Variants in ACADSB observed in about 807,000 individuals in gnomAD.
ACADSB encodes the protein acyl-CoA dehydrogenase short/branched chain.
In ACADSB, 40 loss-of-function variants were observed where a neutral mutation model predicts 54.1. The ratio of observed to expected loss-of-function variants is 0.74; its 90% CI spans 0.57 to 0.96. ACADSB has a LOEUF of 0.96. Among genes scored for constraint, ACADSB ranks in the 40% least tolerant of loss-of-function variants. ACADSB has a pLI of 0.00. For synonymous variants in ACADSB, 182 were observed against 182.8 expected, an observed-to-expected ratio of 1.00 and a Z score of 0.03; for missense variants, 530 against 510.4, an observed-to-expected ratio of 1.04 and a Z score of -0.37.
chr10:123,044,369 A>G, intron 6 of ACADSB, 24 bp from the exon 7 acceptor site: 1 of 1,543,102 alleles, frequency 6.5e-7, no homozygotes, highest in Non-Finnish European at 9.0e-7. Flanking sequence ...AAACTGAGAA[A>G]TAAGTGCACA....
At chr10:123,029,898 TC>T (rs1850304163) in intron 1 of ACADSB, among the ~76,000 whole-genome samples, 1 of 152,186 alleles carries the variant, frequency 6.6e-6, no homozygotes, top group South Asian at 2.1e-4. Flanking sequence ...TTCTCATAGT[TC>T]TGGAGAATGG....
intron 1 of ACADSB, among the ~76,000 whole-genome samples, chr10:123,024,415 G>A (rs1850222106): frequency 6.6e-6 from 1 of 152,254 alleles, no homozygotes; most frequent in African/African-American, 2.4e-5. Context: ...GGCAACACTG[G>A]AGAGTGGCCC....
chr10:123,015,210 T>A (rs1179673696), intron 1 of ACADSB, among the ~76,000 whole-genome samples: 1 of 152,280 alleles, frequency 6.6e-6, no homozygotes, highest in Non-Finnish European at 1.5e-5. Flanking sequence ...CATGCAAATA[T>A]ATCTTTGTCT....
intron 2 of ACADSB, among the ~76,000 whole-genome samples, chr10:123,035,775 G>A (rs1222331709): frequency 6.6e-6 from 1 of 152,180 alleles, no homozygotes; most frequent in Non-Finnish European, 1.5e-5. Context: ...AACTCCTGGA[G>A]GCCTCTGTAT....
chr10:123,037,729 TA>T lies in ACADSB; in HGVS notation c.203-16del. ...TGTCACTTTAACATAGACTTATCAG[TA>T]ATTCTTTTTCCTACAGTTAAAAAAT... On this transcript the variant is annotated splice_polypyrimidine_tract_variant and intron_variant, in intron 2 of 10. Coordinates refer to ENST00000358776, the MANE Select transcript of ACADSB (RefSeq NM_001609.4). 1 of 1,533,302 alleles carries T rather than the reference TA, an allele frequency of 6.5e-7. No individual in the cohort carries two copies. The highest frequency in any genetic ancestry group is 9.0e-7 in the Non-Finnish European group (1 of 1,106,826). 95.0% of individuals were successfully genotyped at this position (1,533,302 alleles called of 1,614,324 possible).
At chr10:123,026,823 ATTTGT>A (rs1160589438) in intron 1 of ACADSB, among the ~76,000 whole-genome samples, 1 of 152,102 alleles carries the variant, frequency 6.6e-6, no homozygotes, top group African/African-American at 2.4e-5. Context: ...ATTTGCTTAT[ATTTGT>A]TTTAAGAGAA....
intron 8 of ACADSB, among the ~76,000 whole-genome samples, chr10:123,050,458 A>C (rs1440612890): frequency 5.3e-5 from 8 of 152,194 alleles, no homozygotes; most frequent in Non-Finnish European, 1.2e-4. Context: ...TATTTGCAGG[A>C]AATTGTTTAT....
chr10:123,020,374 A>G (rs1850168585), intron 1 of ACADSB, among the ~76,000 whole-genome samples: 1 of 152,190 alleles, frequency 6.6e-6, no homozygotes, highest in Non-Finnish European at 1.5e-5. Flanking sequence ...CTTTTCCTCC[A>G]CTTGTTGAAT....
At chr10:123,010,040 T>A (rs965996591) in intron 1 of ACADSB, among the ~76,000 whole-genome samples, 21 of 145,848 alleles carry the variant, frequency 1.4e-4, no homozygotes, top group Admixed American at 2.0e-4. Flanking sequence ...TATTTGACTG[T>A]TTTACAGGCC....
At chr10:123,050,628 G>T (rs1173227008) in intron 8 of ACADSB, among the ~76,000 whole-genome samples, 1 of 151,960 alleles carries the variant, frequency 6.6e-6, no homozygotes, top group African/African-American at 2.4e-5. Context: ...TTTAATGCCT[G>T]GAAGCCATAT....
chr10:123,016,981 C>T (rs1372883286), intron 1 of ACADSB, among the ~76,000 whole-genome samples: 1 of 152,098 alleles, frequency 6.6e-6, no homozygotes, highest in African/African-American at 2.4e-5. Context: ...TCCCTTCACT[C>T]AATTTGGTAA....
At position 123,009,023 on chromosome 10, in the gene ACADSB, G is replaced by C; in HGVS notation, c.-7G>C. ...AGAGGCGCAGAGCGGAGAGGCCTGC[G>C]GCGAGGATGGAGGGCCTGGCAGTGC... is the stretch of plus-strand genomic sequence containing the variant. On this transcript the variant is annotated 5_prime_UTR_variant, in exon 1 of 11. Coordinates refer to ENST00000358776, the MANE Select transcript of ACADSB (RefSeq NM_001609.4). The C allele has an allele frequency of 1.3e-6, 2 of 1,547,936 alleles. No homozygotes were observed. Among genetic ancestry groups the C allele is most frequent in the Non-Finnish European group, 8.7e-7 (1 of 1,146,856 alleles).
At chr10:123,037,197 C>T (rs925044430) in intron 2 of ACADSB, among the ~76,000 whole-genome samples, 1 of 152,186 alleles carries the variant, frequency 6.6e-6, no homozygotes, top group Non-Finnish European at 1.5e-5. Flanking sequence ...AACAAAGACT[C>T]ACCTGCCCCA....
intron 7 of ACADSB, 55 bp downstream of exon 7, chr10:123,044,540 A>C: frequency 7.1e-7 from 1 of 1,402,496 alleles, no homozygotes; most frequent in Non-Finnish European, 1.0e-6. Flanking sequence ...GTGAAAAGAA[A>C]AAAATGCAAT....
intron 1 of ACADSB, among the ~76,000 whole-genome samples, chr10:123,020,075 T>C (rs1044594714): frequency 1.3e-5 from 2 of 152,064 alleles, no homozygotes; most frequent in African/African-American, 2.4e-5. Context: ...AGATTAACAG[T>C]AGTAAAAGGT....
chr10:123,021,981 C>G (rs1346830989), intron 1 of ACADSB, among the ~76,000 whole-genome samples: 2 of 152,060 alleles, frequency 1.3e-5, no homozygotes, highest in African/African-American at 4.8e-5. Flanking sequence ...AGAAAAATAA[C>G]TCAGTCAACT....
chr10:123,021,722 T>C (rs534910329), intron 1 of ACADSB, among the ~76,000 whole-genome samples: 1 of 152,362 alleles, frequency 6.6e-6, no homozygotes, highest in East Asian at 1.9e-4. Context: ...GGTGGAGCTC[T>C]TCACGCAACA....
Position 123,051,199 on chromosome 10 carries a change from A to T in ACADSB, c.1128+13A>T. 7.2e-7 allele frequency: 1 copy of T among 1,393,552 alleles called. No individual in the cohort carries two copies. Among genetic ancestry groups the T allele is most frequent in the Non-Finnish European group, 9.5e-7 (1 of 1,056,876 alleles). The allele number at this position is 1,393,552 out of a possible 1,614,324, so 86.3% of individuals were successfully genotyped here. A position where few individuals can be genotyped will look rare whatever the true frequency, so the allele number is the denominator to read the frequency against. On this transcript the variant is annotated intron_variant, in intron 9 of 10. Coordinates refer to ENST00000358776, the MANE Select transcript of ACADSB (RefSeq NM_001609.4). ...CTATGCATCAGAGGTAAAAAAAAAAAAAAAAAAAAAAAAGGAAAAAGTAAT... is the reference window on the plus strand; with the variant it reads ...CTATGCATCAGAGGTAAAAAAAAAATAAAAAAAAAAAAAGGAAAAAGTAAT...
At position 123,047,303 on chromosome 10, in the gene ACADSB, G is replaced by A; in HGVS notation, c.990+5G>A. On this transcript the variant is annotated splice_donor_5th_base_variant and intron_variant, in intron 8 of 10. Coordinates refer to ENST00000358776, the MANE Select transcript of ACADSB (RefSeq NM_001609.4). ...AAAAGACTATTTGATTTTCAGGTAT[G>A]TAATTATTAGGGTCTTTCTGCTGTG... The A allele has an allele frequency of 6.5e-7, 1 of 1,545,134 alleles. No individual in the cohort carries two copies.
Sources: gnomAD v4.1 joint callset for allele counts (sites outside exome capture counted in the v4.1 genomes callset) on GRCh38, gnomAD v4.1.1 for gene constraint, MANE v1.5 for transcripts, NCBI Gene and HGNC (gene_info 2026-07-23, HGNC 2026-07-21) for gene names.